WASHC4: variants seen among roughly 807,000 people sequenced by gnomAD.
The protein encoded by WASHC4 is WASH complex subunit 7.
Under a neutral mutation model 166.6 loss-of-function variants are expected in WASHC4, and 86 were observed. The ratio of observed to expected loss-of-function variants is 0.52; its 90% CI spans 0.43 to 0.62. The LOEUF is 0.62. WASHC4 is among the 20% of genes least tolerant of loss of function. The pLI is 0.00. For synonymous variants in WASHC4, 446 were observed against 451.6 expected, an observed-to-expected ratio of 0.99 and a Z score of 0.16; for missense variants, 1,262 against 1,382.4, an observed-to-expected ratio of 0.91 and a Z score of 1.38.
intron 13 of WASHC4, among the ~76,000 whole-genome samples, chr12:105,131,086 T>G (rs2464177): frequency 1.0e-4 from 14 of 139,308 alleles, no homozygotes; most frequent in Admixed American, 7.8e-4. Flanking sequence ...TTATTTATTT[T>G]TTTTTTTTTT....
chr12:105,123,005 T>A (rs1196833), intron 10 of WASHC4, among the ~76,000 whole-genome samples: 133,718 of 152,206 alleles, frequency 0.88, 59,026 homozygotes, highest in East Asian at 1. Context: ...TAAGCTTAGC[T>A]AGGAAGTCAT....
intron 7 of WASHC4, among the ~76,000 whole-genome samples, chr12:105,120,213 C>T (rs1880597146): frequency 6.6e-6 from 1 of 152,142 alleles, no homozygotes; most frequent in Non-Finnish European, 1.5e-5. Flanking sequence ...TACCTTTATT[C>T]CAAGATAAAT....
intron 6 of WASHC4, 117 bp downstream of exon 6, chr12:105,115,845 CACTT>C: frequency 2.7e-6 from 2 of 733,758 alleles, no homozygotes; most frequent in Admixed American, 3.8e-5. Flanking sequence ...GAGGATAAGA[CACTT>C]AATTAGCATT....
intron 7 of WASHC4, among the ~76,000 whole-genome samples, chr12:105,120,314 T>C (rs1345213347): frequency 3.3e-5 from 5 of 152,214 alleles, no homozygotes; most frequent in Non-Finnish European, 7.3e-5. Context: ...TACTATTAGG[T>C]TGGTGCAAGA....
intron 13 of WASHC4, among the ~76,000 whole-genome samples, chr12:105,130,300 G>A (rs1693699360): frequency 6.6e-6 from 1 of 152,236 alleles, no homozygotes; most frequent in African/African-American, 2.4e-5. Flanking sequence ...GCAGCAGGTA[G>A]CATTGTGTAG....
At chr12:105,116,775 T>C (rs2135729163) in intron 6 of WASHC4, among the ~76,000 whole-genome samples, 1 of 152,286 alleles carries the variant, frequency 6.6e-6, no homozygotes, top group East Asian at 1.9e-4. Context: ...ATATAGAGAA[T>C]TGGTTACCCA....
chr12:105,125,957 G>A (rs772252950), intron 10 of WASHC4, 47 bp from the exon 11 acceptor site: 25 of 1,568,822 alleles, frequency 1.6e-5, no homozygotes, highest in East Asian at 6.8e-5. Flanking sequence ...ATGTTTAATC[G>A]TTTATTATTG....
intron 32 of WASHC4, among the ~76,000 whole-genome samples, chr12:105,166,388 A>C (rs1366262205): frequency 1.3e-5 from 2 of 152,224 alleles, no homozygotes; most frequent in East Asian, 3.9e-4. Flanking sequence ...TATTACGTAT[A>C]ATTTATTATA....
At chr12:105,109,295 T>TA (rs2135714016) in intron 1 of WASHC4, among the ~76,000 whole-genome samples, 1 of 152,284 alleles carries the variant, frequency 6.6e-6, no homozygotes, top group East Asian at 1.9e-4. Flanking sequence ...GGAATAGAGT[T>TA]ATGTTAATTG....
chr12:105,141,276 T>C, intron 18 of WASHC4, 30 bp downstream of exon 18: 1 of 1,365,444 alleles, frequency 7.3e-7, no homozygotes, highest in Non-Finnish European at 1.0e-6. Context: ...GCTGTGGTAC[T>C]CCAAAGACAG....
rs1001284330 is a variant in WASHC4, at chr12:105,107,754, C to A, written c.-47C>A. 1.4e-6 allele frequency: 2 copies of A among 1,444,512 alleles called. No individual in the cohort carries two copies. Among genetic ancestry groups the A allele is most frequent in the South Asian group, 1.2e-5 (1 of 81,160 alleles). 89.5% of individuals were successfully genotyped at this position (1,444,512 alleles called of 1,614,324 possible). A position where few individuals can be genotyped will look rare whatever the true frequency, so the allele number is the denominator to read the frequency against. On this transcript the variant is annotated 5_prime_UTR_variant, in exon 1 of 33. Transcript: ENST00000332180. ...ACAGTAGCTGGGGTGAGGCCGTCGTCGCCGCACGGGCTGGTTGGGGCTGTG... is the reference window on the plus strand; with the variant it reads ...ACAGTAGCTGGGGTGAGGCCGTCGTAGCCGCACGGGCTGGTTGGGGCTGTG...
chr12:105,138,069 T>C, intron 15 of WASHC4, 58 bp downstream of exon 15: 1 of 1,557,664 alleles, frequency 6.4e-7, no homozygotes, highest in Non-Finnish European at 8.8e-7. Flanking sequence ...CAGGCTTAAA[T>C]TAGGATAATC....
At position 105,121,224 on chromosome 12, in the gene WASHC4, T is replaced by G. The variant is rs1348444970; in HGVS notation, c.665+20T>G. 2.2e-6 allele frequency: 3 copies of G among 1,364,838 alleles called. No homozygotes were observed. The highest frequency in any genetic ancestry group is 2.1e-6 in the Non-Finnish European group (2 of 956,098). The allele number at this position is 1,364,838 out of a possible 1,614,324, so 84.5% of individuals were successfully genotyped here. Reference sequence around the variant, plus strand: ...CAAAAGGTACACCAATTAAAATATTTTAAAATGTTTCTTACTTTGGTTAAT... The same window carrying G: ...CAAAAGGTACACCAATTAAAATATTGTAAAATGTTTCTTACTTTGGTTAAT... On this transcript the variant is annotated intron_variant, in intron 9 of 32. Coordinates refer to ENST00000332180, the MANE Select transcript of WASHC4 (RefSeq NM_015275.3).
intron 28 of WASHC4, among the ~76,000 whole-genome samples, chr12:105,159,095 G>A (rs555337134): frequency 1.7e-4 from 26 of 152,350 alleles, no homozygotes; most frequent in African/African-American, 5.3e-4. Flanking sequence ...TTGAAGTCAT[G>A]TGCCTGAAAA....
At position 105,120,562 on chromosome 12, in the gene WASHC4, C is replaced by T. The variant is rs753923337; in HGVS notation, c.526C>T (p.Pro176Ser). The change falls in exon 8 of 33, where the codon CCC becomes TCC. Residue 176 changes from proline (P) to serine (S), a missense_variant. By Grantham distance (74) the Pro-to-Ser change is moderately conservative (BLOSUM62 -1). Coordinates refer to ENST00000332180, the MANE Select transcript of WASHC4 (RefSeq NM_015275.3). ...AALYISNKIAPKIIETTGVHF... is the reference protein window; with the variant it reads ...AALYISNKIASKIIETTGVHF... ...GTTGTTATTTTATTATAGGATTGCA[C>T]CCAAAATTATAGAGACAACTGGAGT... The T allele has an allele frequency of 6.3e-7, 1 of 1,598,496 alleles. No homozygotes were observed. The highest frequency in any genetic ancestry group is 1.7e-5 in the Admixed American group (1 of 59,976).
chr12:105,138,765 G>A (rs1359674714), intron 15 of WASHC4, among the ~76,000 whole-genome samples: 1 of 152,034 alleles, frequency 6.6e-6, no homozygotes, highest in East Asian at 1.9e-4. Context: ...GATATTTTAT[G>A]TTAGATTTAT....
At chr12:105,164,031 G>A (rs1282832418) in intron 30 of WASHC4, 80 bp from the exon 31 acceptor site, 5 of 1,251,250 alleles carry the variant, frequency 4.0e-6, no homozygotes, top group Non-Finnish European at 4.7e-6. Context: ...AATGCTTAGT[G>A]TTGGGAATTA....
At chr12:105,149,966 G>A (rs1156811354) in intron 25 of WASHC4, among the ~76,000 whole-genome samples, 1 of 152,062 alleles carries the variant, frequency 6.6e-6, no homozygotes, top group Non-Finnish European at 1.5e-5. Flanking sequence ...TAATATAAAA[G>A]CAGGACATGC....
At position 105,152,366 on chromosome 12, in the gene WASHC4, A is replaced by G. The variant is rs908510097; in HGVS notation, c.2673A>G (p.Lys891=). 2.5e-6 allele frequency: 4 copies of G among 1,598,206 alleles called. No individual in the cohort carries two copies. In the African/African-American group the frequency reaches 5.4e-5, roughly 21 times the overall value. The change falls in exon 26 of 33, where the codon AAA becomes AAG. Residue 891 remains lysine, a synonymous_variant. Coordinates refer to ENST00000332180, the MANE Select transcript of WASHC4 (RefSeq NM_015275.3). Reference sequence around the variant, plus strand: ...AGTATCCTTTTGATAGAGCAGAAAAATTCAATCGAGGCATCAGAAAACTTG... The same window carrying G: ...AGTATCCTTTTGATAGAGCAGAAAAGTTCAATCGAGGCATCAGAAAACTTG... ...DHKYPFDRAE[K]FNRGIRKLGV...
Sources: allele counts gnomAD v4.1 joint callset (sites outside exome capture counted in the v4.1 genomes callset), GRCh38; gene constraint gnomAD v4.1.1; transcripts MANE v1.5; gene names NCBI Gene and HGNC (gene_info 2026-07-23, HGNC 2026-07-21).